CTNND2: variants seen among roughly 807,000 people sequenced by gnomAD.
The protein encoded by CTNND2 is catenin delta-2.
In CTNND2, 22 loss-of-function variants were observed where a neutral mutation model predicts 144.4. That is an observed-to-expected ratio of 0.15 (90% CI 0.11 to 0.22). The LOEUF (loss-of-function observed/expected upper bound fraction) is 0.22. Among genes scored for constraint, CTNND2 ranks in the 10% least tolerant of loss-of-function variants. The probability of loss-of-function intolerance (pLI) is 1.00; values close to 1 mark genes in which losing one functional copy is unlikely to be tolerated. For missense variants in CTNND2, 1,353 were observed against 1,618.8 expected, an observed-to-expected ratio of 0.84 and a Z score of 2.82; for synonymous variants, 751 against 695.6, an observed-to-expected ratio of 1.08 and a Z score of -1.25.
intron 9 of CTNND2, among the ~76,000 whole-genome samples, chr5:11,339,768 C>A (rs1434083151): frequency 1.3e-5 from 2 of 152,142 alleles, no homozygotes; most frequent in African/African-American, 4.8e-5. Flanking sequence ...ACCATCTCTG[C>A]AGAAAGAGCC....
In CTNND2 at chr5:11,098,581, G is replaced by A. The variant is rs1256727911; in HGVS notation, c.2631C>T (p.Ser877=). Residue 877 remains serine (S), a synonymous_variant, in exon 15 of 22, where the codon AGC becomes AGT. Coordinates refer to ENST00000304623, the MANE Select transcript of CTNND2 (RefSeq NM_001332.4). ...TGTAATGAACTGGCCATACCTTCCA[G>A]CTCCCTGCAGCCAAGTTCTGCAGGG... ...AGALQNLAAG[S]WKWSVYIRAA... is the part of the protein sequence containing the mutation. 5 of 1,613,322 alleles carry A rather than the reference G, an allele frequency of 3.1e-6. No individual in the cohort carries two copies. The highest frequency in any genetic ancestry group is 4.2e-6 in the Non-Finnish European group (5 of 1,179,832).
chr5:11,874,370 C>T (rs1735393781), intron 1 of CTNND2, among the ~76,000 whole-genome samples: 1 of 152,166 alleles, frequency 6.6e-6, no homozygotes, highest in Admixed American at 6.5e-5. Flanking sequence ...TTTTTTCCTA[C>T]ACACACATAC....
chr5:11,622,373 T>G (rs530392744), intron 2 of CTNND2, among the ~76,000 whole-genome samples: 3 of 152,274 alleles, frequency 2.0e-5, no homozygotes, highest in East Asian at 1.9e-4. Flanking sequence ...ACTAGCCAGC[T>G]TAATATTAAA....
chr5:11,215,708 A>G (rs1739103854), intron 10 of CTNND2, among the ~76,000 whole-genome samples: 1 of 152,230 alleles, frequency 6.6e-6, no homozygotes, highest in African/African-American at 2.4e-5. Context: ...ACAAATTATC[A>G]TCCATTGATT....
chr5:11,241,443 C>T (rs1742440806), intron 9 of CTNND2, among the ~76,000 whole-genome samples: 1 of 152,166 alleles, frequency 6.6e-6, no homozygotes, highest in South Asian at 2.1e-4. Context: ...TGGCCTTAAA[C>T]CAGCTTCCCA....
At chr5:11,668,797 C>T (rs1470657352) in intron 2 of CTNND2, among the ~76,000 whole-genome samples, 1 of 152,104 alleles carries the variant, frequency 6.6e-6, no homozygotes, top group African/African-American at 2.4e-5. Flanking sequence ...ACTTCCAATA[C>T]TATGTTGAAC....
intron 2 of CTNND2, among the ~76,000 whole-genome samples, chr5:11,698,319 C>T (rs568326781): frequency 1.8e-4 from 27 of 149,002 alleles, no homozygotes; most frequent in Non-Finnish European, 3.3e-4. Context: ...GACGGAGTCT[C>T]GCTCTGTCGC....
At chr5:11,240,976 A>G (rs1742360720) in intron 9 of CTNND2, among the ~76,000 whole-genome samples, 1 of 137,568 alleles carries the variant, frequency 7.3e-6, no homozygotes, top group African/African-American at 2.7e-5. Flanking sequence ...ATACACCCAC[A>G]TCATGCACAC....
At chr5:11,308,093 G>A (rs951077986) in intron 9 of CTNND2, among the ~76,000 whole-genome samples, 12 of 152,192 alleles carry the variant, frequency 7.9e-5, no homozygotes, top group African/African-American at 2.7e-4. Context: ...CTCCAGAACT[G>A]TGAAAAATAA....
chr5:11,346,516 G>A lies in CTNND2; in HGVS notation c.1484C>T (p.Pro495Leu). 1.2e-6 allele frequency: 2 copies of A among 1,606,136 alleles called. No homozygotes were observed. The highest frequency in any genetic ancestry group is 1.7e-6 in the Non-Finnish European group (2 of 1,176,602). ...TFQRASYAAG[P>L]ASNYADPYRQ... ...GTAGGGGTCCGCGTAATTGGAGGCT[G>A]GGCCGGCGGCATAGCTGGCCCTCTG... Residue 495 changes from proline to leucine, a missense_variant, in exon 9 of 22, where the codon CCA (proline) becomes CTA (leucine). Pro to Leu is a moderately conservative substitution (Grantham distance 98, BLOSUM62 -3). Coordinates refer to ENST00000304623, the MANE Select transcript of CTNND2 (RefSeq NM_001332.4).
intron 1 of CTNND2, among the ~76,000 whole-genome samples, chr5:11,851,406 G>A (rs1396529232): frequency 1.3e-5 from 2 of 152,148 alleles, no homozygotes; most frequent in African/African-American, 2.4e-5. Flanking sequence ...TCTTTACTCT[G>A]CATGATTGAA....
intron 2 of CTNND2, among the ~76,000 whole-genome samples, chr5:11,685,984 A>G (rs1239140975): frequency 6.6e-6 from 1 of 152,154 alleles, no homozygotes; most frequent in African/African-American, 2.4e-5. Context: ...GCAGGCCAAT[A>G]GCTTTGAGCT....
chr5:11,752,787 T>C (rs1006643339), intron 1 of CTNND2, among the ~76,000 whole-genome samples: 3 of 151,780 alleles, frequency 2.0e-5, no homozygotes, highest in Non-Finnish European at 4.4e-5. Context: ...ATGGCCATTT[T>C]AACAGTATTC....
intron 2 of CTNND2, among the ~76,000 whole-genome samples, chr5:11,621,259 A>C (rs553018767): frequency 3.0e-4 from 46 of 152,356 alleles, no homozygotes; most frequent in African/African-American, 1.1e-3. Flanking sequence ...GTGGATAATT[A>C]CTGGTAATAT....
chr5:11,511,430 G>C (rs887542637), intron 3 of CTNND2, among the ~76,000 whole-genome samples: 1 of 152,116 alleles, frequency 6.6e-6, no homozygotes, highest in Non-Finnish European at 1.5e-5. Flanking sequence ...GCTGGGAGGG[G>C]AGAAGGTTGT....
chr5:11,650,931 G>T (rs1782614080), intron 2 of CTNND2, among the ~76,000 whole-genome samples: 1 of 152,190 alleles, frequency 6.6e-6, no homozygotes, highest in Admixed American at 6.5e-5. Context: ...CAGAAAACTT[G>T]CAGCCTAACC....
At chr5:11,232,092 A>G (rs1715617528) in intron 10 of CTNND2, among the ~76,000 whole-genome samples, 1 of 152,248 alleles carries the variant, frequency 6.6e-6, no homozygotes, top group Non-Finnish European at 1.5e-5. Flanking sequence ...ACCTCTGCCT[A>G]GATTTCACAG....
At chr5:11,462,693 G>A (rs1366096866) in intron 3 of CTNND2, among the ~76,000 whole-genome samples, 1 of 151,740 alleles carries the variant, frequency 6.6e-6, no homozygotes, top group Non-Finnish European at 1.5e-5. Flanking sequence ...CATTAGTTGG[G>A]GTGCTCGAAA....
At chr5:11,249,486 G>A (rs1714266539) in intron 9 of CTNND2, among the ~76,000 whole-genome samples, 2 of 152,242 alleles carry the variant, frequency 1.3e-5, no homozygotes, top group East Asian at 1.9e-4. Context: ...ATGGTCAGGG[G>A]GCTTGAATAA....
Sources: gnomAD v4.1 joint callset for allele counts (sites outside exome capture counted in the v4.1 genomes callset) on GRCh38, gnomAD v4.1.1 for gene constraint, MANE v1.5 for transcripts, NCBI Gene and HGNC (gene_info 2026-07-23, HGNC 2026-07-21) for gene names.